Variants in CRPPA observed in about 807,000 individuals in gnomAD.
CRPPA encodes the protein D-ribitol-5-phosphate cytidylyltransferase.
In CRPPA, 43 loss-of-function variants were observed where a neutral mutation model predicts 52.0. That is an observed-to-expected ratio of 0.83 (90% CI 0.65 to 1.07). The LOEUF (loss-of-function observed/expected upper bound fraction) is 1.07. Among genes scored for constraint, CRPPA ranks in the 50% least tolerant of loss-of-function variants. The probability of loss-of-function intolerance (pLI) is 0.00; values close to 1 mark genes in which losing one functional copy is unlikely to be tolerated. For synonymous variants in CRPPA, 250 were observed against 203.5 expected, an observed-to-expected ratio of 1.23 and a Z score of -1.94; for missense variants, 629 against 551.7, an observed-to-expected ratio of 1.14 and a Z score of -1.40.
At chr7:16,345,952 CATT>C (rs1786004253) in intron 3 of CRPPA, among the ~76,000 whole-genome samples, 1 of 152,128 alleles carries the variant, frequency 6.6e-6, no homozygotes, top group Admixed American at 6.5e-5. Flanking sequence ...CTTATAAAAA[CATT>C]ATTTCTCAAA....
intron 9 of CRPPA, among the ~76,000 whole-genome samples, chr7:16,213,999 T>A (rs1194255696): frequency 6.6e-6 from 1 of 152,130 alleles, no homozygotes; most frequent in Admixed American, 6.5e-5. Flanking sequence ...TTACTGAGCA[T>A]TGGATAAAGT....
intron 8 of CRPPA, 192 bp from the exon 9 acceptor site, chr7:16,216,389 G>A (rs1782310683): frequency 4.8e-6 from 2 of 418,580 alleles, no homozygotes; most frequent in African/African-American, 2.1e-5. Context: ...CACAGATGTA[G>A]TAAACACTCA....
At chr7:16,320,357 G>A (rs1391071366) in intron 3 of CRPPA, among the ~76,000 whole-genome samples, 2 of 152,062 alleles carry the variant, frequency 1.3e-5, no homozygotes. Context: ...ATGACTCAGA[G>A]GGACTGGAAA....
intron 3 of CRPPA, among the ~76,000 whole-genome samples, chr7:16,355,718 G>A (rs10950613): frequency 0.11 from 16,245 of 152,202 alleles, 1,099 homozygotes; most frequent in East Asian, 0.36. Flanking sequence ...ATCCTCATTT[G>A]TTCTGGCATC....
At chr7:16,254,897 C>A (rs536402995) in intron 8 of CRPPA, among the ~76,000 whole-genome samples, 1 of 152,134 alleles carries the variant, frequency 6.6e-6, no homozygotes, top group African/African-American at 2.4e-5. Flanking sequence ...AGGATGCCCC[C>A]TCTCACCACT....
At chr7:16,282,889 T>G (rs1160815765) in intron 5 of CRPPA, among the ~76,000 whole-genome samples, 1 of 152,052 alleles carries the variant, frequency 6.6e-6, no homozygotes, top group Non-Finnish European at 1.5e-5. Context: ...AATATGTCCT[T>G]TACTACTAAT....
intron 8 of CRPPA, among the ~76,000 whole-genome samples, chr7:16,241,281 C>G (rs1783099629): frequency 6.6e-6 from 1 of 152,084 alleles, no homozygotes; most frequent in South Asian, 2.1e-4. Flanking sequence ...CAATAAACTA[C>G]TTCCTAATAA....
intron 3 of CRPPA, among the ~76,000 whole-genome samples, chr7:16,372,298 A>C (rs1204614293): frequency 1.3e-5 from 2 of 152,188 alleles, no homozygotes; most frequent in Non-Finnish European, 2.9e-5. Context: ...GCTATGAGAG[A>C]AAAGCATCAG....
At chr7:16,221,910 T>C (rs567079615) in intron 8 of CRPPA, among the ~76,000 whole-genome samples, 1 of 151,780 alleles carries the variant, frequency 6.6e-6, no homozygotes, top group South Asian at 2.1e-4. Flanking sequence ...GATCTAGAAC[T>C]AGAAATACCA....
intron 1 of CRPPA, among the ~76,000 whole-genome samples, chr7:16,418,468 T>C (rs1243013074): frequency 6.6e-6 from 1 of 152,174 alleles, no homozygotes; most frequent in Non-Finnish European, 1.5e-5. Flanking sequence ...TGCCCAAGAT[T>C]AAGTAATTTA....
chr7:16,214,680 C>A (rs993060969), intron 9 of CRPPA, among the ~76,000 whole-genome samples: 10 of 152,150 alleles, frequency 6.6e-5, no homozygotes, highest in Admixed American at 2.0e-4. Context: ...AATTTTTTAA[C>A]TTTTTTGTAG....
intron 3 of CRPPA, among the ~76,000 whole-genome samples, chr7:16,314,689 G>T (rs1785105872): frequency 6.6e-6 from 1 of 151,968 alleles, no homozygotes; most frequent in African/African-American, 2.4e-5. Flanking sequence ...CAGAATTCTA[G>T]GGTGGTAGGT....
intron 9 of CRPPA, among the ~76,000 whole-genome samples, chr7:16,138,353 G>A (rs1393872191): frequency 1.3e-5 from 2 of 152,060 alleles, no homozygotes; most frequent in South Asian, 2.1e-4. Context: ...AAAGTAAAGG[G>A]GAAAAGCTAA....
Position 16,091,374 on chromosome 7 carries a change from T to C in CRPPA, c.*321A>G, listed in dbSNP as rs7788119. On this transcript the variant is annotated 3_prime_UTR_variant, in exon 10 of 10. Transcript: ENST00000407010. Reference sequence around the variant, plus strand: ...TGAAGTTTTCTAAATTCTCATTCCTTGAAAGAATAGCTCACCCCATCATTA... The same window carrying C: ...TGAAGTTTTCTAAATTCTCATTCCTCGAAAGAATAGCTCACCCCATCATTA... The C allele has an allele frequency of 0.03, 5,896 of 198,820 alleles. 359 individuals carry two copies. The highest frequency in any genetic ancestry group is 0.13 in the African/African-American group (5,342 of 42,308). 12.3% of individuals were successfully genotyped at this position (198,820 alleles called of 1,614,324 possible). A position where few individuals can be genotyped will look rare whatever the true frequency, so the allele number is the denominator to read the frequency against.
At chr7:16,302,813 T>G (rs1784818583) in intron 4 of CRPPA, among the ~76,000 whole-genome samples, 1 of 151,388 alleles carries the variant, frequency 6.6e-6, no homozygotes, top group African/African-American at 2.4e-5. Context: ...ATTGAAGTTC[T>G]TTCTCATCAC....
At chr7:16,365,689 C>A (rs1226102966) in intron 3 of CRPPA, among the ~76,000 whole-genome samples, 2 of 152,070 alleles carry the variant, frequency 1.3e-5, no homozygotes, top group Non-Finnish European at 2.9e-5. Context: ...AACTTGAGGC[C>A]TAAGTGTGAA....
chr7:16,247,616 T>C (rs1162817530), intron 8 of CRPPA, among the ~76,000 whole-genome samples: 2 of 152,046 alleles, frequency 1.3e-5, no homozygotes, highest in Admixed American at 6.6e-5. Context: ...CAAAATGTGA[T>C]AGAGACAGGA....
chr7:16,302,131 C>T (rs1784800569), intron 4 of CRPPA, among the ~76,000 whole-genome samples: 1 of 151,924 alleles, frequency 6.6e-6, no homozygotes, highest in Admixed American at 6.6e-5. Context: ...CCCGTCTCTA[C>T]TAAAAATACA....
At chr7:16,173,798 C>G (rs1174540074) in intron 9 of CRPPA, among the ~76,000 whole-genome samples, 1 of 152,064 alleles carries the variant, frequency 6.6e-6, no homozygotes, top group Admixed American at 6.6e-5. Context: ...TACCACGCCA[C>G]TGAATAGAAT....
Sources: allele counts gnomAD v4.1 joint callset (sites outside exome capture counted in the v4.1 genomes callset), GRCh38; gene constraint gnomAD v4.1.1; transcripts MANE v1.5; gene names NCBI Gene and HGNC (gene_info 2026-07-23, HGNC 2026-07-21).